PCDHGB4: variants seen among roughly 807,000 people sequenced by gnomAD.
The protein encoded by PCDHGB4 is protocadherin gamma-B4.
Under a neutral mutation model 60.5 loss-of-function variants are expected in PCDHGB4, and 38 were observed. That is an observed-to-expected ratio of 0.63 (90% CI 0.48 to 0.82). The LOEUF (loss-of-function observed/expected upper bound fraction) is 0.82, where lower values mean the gene tolerates loss of function less well. Ranked by LOEUF, PCDHGB4 falls within the 40% of genes least tolerant of loss-of-function variation. The probability of loss-of-function intolerance (pLI) is 0.00; values close to 1 mark genes in which losing one functional copy is unlikely to be tolerated. For missense variants in PCDHGB4, 1,109 were observed against 1,209.6 expected, an observed-to-expected ratio of 0.92 and a Z score of 1.23; for synonymous variants, 456 against 509.7, an observed-to-expected ratio of 0.89 and a Z score of 1.42.
Position 141,491,995 on chromosome 5 carries a change from G to C in PCDHGB4, c.2398-2812G>C, listed in dbSNP as rs76332593. On this transcript the variant is annotated intron_variant, in intron 1 of 3. Transcript: ENST00000519479. The surrounding 1 kb of genome is among the most constrained non-coding windows in gnomAD (Gnocchi z 6.9). ...CTCCTTCGAGCTTCCGGTGAATTTC[G>C]GGCGATTTCCGCGGGTGTCGGGGGT... is the stretch of plus-strand genomic sequence containing the variant. 0.033 allele frequency: 22,941 copies of C among 696,644 alleles called. 426 individuals carry two copies. The highest frequency in any genetic ancestry group is 0.093 in the Middle Eastern group (249 of 2,666). The allele number at this position is 696,644 out of a possible 1,614,324, so 43.2% of individuals were successfully genotyped here. A position where few individuals can be genotyped will look rare whatever the true frequency, so the allele number is the denominator to read the frequency against.
At chr5:141,445,471 T>A (rs533909401) in intron 1 of PCDHGB4, among the ~76,000 whole-genome samples, 17 of 152,204 alleles carry the variant, frequency 1.1e-4, no homozygotes, top group Non-Finnish European at 2.4e-4. Context: ...AAGGCATATA[T>A]GATTCCTGAG....
chr5:141,400,448 A>G (rs750585724), intron 1 of PCDHGB4: 1 of 1,614,078 alleles, frequency 6.2e-7, no homozygotes, highest in Non-Finnish European at 8.5e-7. Flanking sequence ...TCAGGACAAG[A>G]CATACTTTGT....
rs752785695 is a variant in PCDHGB4 at position 141,389,111 on chromosome 5, C to G, written c.1227C>G (p.Asp409Glu). ...AATTAGTGACAGATGCTGTTCTAGACCGCGAGCAGAATCCAGAGTACAATA... is the reference window on the plus strand; with the variant it reads ...AATTAGTGACAGATGCTGTTCTAGAGCGCGAGCAGAATCCAGAGTACAATA... ...TYKLVTDAVL[D>E]REQNPEYNIT... The change falls in exon 1 of 4, where the codon GAC becomes GAG. Residue 409 changes from aspartate (D) to glutamate (E), a missense_variant. Asp to Glu is a conservative substitution (Grantham distance 45). Coordinates refer to ENST00000519479, the MANE Select transcript of PCDHGB4 (RefSeq NM_003736.4). 5.0e-6 allele frequency: 8 copies of G among 1,614,008 alleles called. No individual in the cohort carries two copies. Among genetic ancestry groups the G allele is most frequent in the Non-Finnish European group, 6.8e-6 (8 of 1,179,890 alleles).
At chr5:141,482,544 A>AAAC (rs1041838777) in intron 1 of PCDHGB4, among the ~76,000 whole-genome samples, 4 of 151,844 alleles carry the variant, frequency 2.6e-5, no homozygotes, top group Non-Finnish European at 4.4e-5. Context: ...AAAAAAAAAA[A>AAAC]AAAAAGATAA....
chr5:141,404,909 C>CCT, intron 1 of PCDHGB4: 1 of 1,613,916 alleles, frequency 6.2e-7, no homozygotes, highest in Non-Finnish European at 8.5e-7. Context: ...TGGCCAGCCC[C>CCT]CTCTCTCGGC....
intron 1 of PCDHGB4, among the ~76,000 whole-genome samples, chr5:141,402,432 TA>T (rs1325787840): frequency 6.6e-6 from 1 of 152,042 alleles, no homozygotes; most frequent in Non-Finnish European, 1.5e-5. Flanking sequence ...TGAAGCATCA[TA>T]AAAAGGAAAT....
intron 1 of PCDHGB4, chr5:141,422,397 C>A (rs753017439): frequency 6.3e-6 from 10 of 1,597,488 alleles, no homozygotes; most frequent in African/African-American, 2.7e-5. Context: ...TTCCTAACCA[C>A]CTGCCTTTTA....
At position 141,485,430 on chromosome 5, in the gene PCDHGB4, T is replaced by C; in HGVS notation, c.2398-9377T>C. The C allele has an allele frequency of 6.2e-7, 1 of 1,614,138 alleles. No individual in the cohort carries two copies. Among genetic ancestry groups the C allele is most frequent in the Non-Finnish European group, 8.5e-7 (1 of 1,180,022 alleles). On this transcript the variant is annotated intron_variant, in intron 1 of 3. Transcript: ENST00000519479. The surrounding 1 kb of genome is among the most constrained non-coding windows in gnomAD (Gnocchi z 5.7). ...GATTTGGACAGCGGAGCCCTGCTCA[T>C]CAAGAACCCAATCGACCGAGAGGCA... is the stretch of plus-strand genomic sequence containing the variant.
intron 1 of PCDHGB4, chr5:141,419,008 G>T: frequency 6.2e-7 from 1 of 1,613,978 alleles, no homozygotes; most frequent in Non-Finnish European, 8.5e-7. Flanking sequence ...GGGAAGTCAG[G>T]TGTAGCTTAA....
At chr5:141,495,013 T>C (rs2099758300) in intron 2 of PCDHGB4, 148 bp downstream of exon 2, 12 of 1,511,014 alleles carry the variant, frequency 7.9e-6, no homozygotes, top group Non-Finnish European at 1.1e-5. Context: ...TGCGGGGGGC[T>C]GGCACACAGA....
rs1409333356 is a variant in PCDHGB4 at position 141,418,996 on chromosome 5, T to C, written c.2397+28715T>C. On this transcript the variant is annotated intron_variant, in intron 1 of 3. Coordinates refer to ENST00000519479, the MANE Select transcript of PCDHGB4 (RefSeq NM_003736.4). ...CACGGGACCAAGACTCAGGGGAAAATGGGGAAGTCAGGTGTAGCTTAAGTA... is the reference window on the plus strand; with the variant it reads ...CACGGGACCAAGACTCAGGGGAAAACGGGGAAGTCAGGTGTAGCTTAAGTA... 3.3e-5 allele frequency: 54 copies of C among 1,613,756 alleles called. 1 individual carries two copies. The East Asian group carries it at 1.0e-3, about 30-fold the overall frequency.
rs1327490895 is a variant in PCDHGB4, at chr5:141,487,672, G to A, written c.2398-7135G>A. The stretch of plus-strand genomic sequence containing the variant: ...AGGGTTATTCTGATCCAGGCATATG[G>A]CTAGGCCATGTCCTAGAGAGTACTG... On this transcript the variant is annotated intron_variant, in intron 1 of 3. Coordinates refer to ENST00000519479, the MANE Select transcript of PCDHGB4 (RefSeq NM_003736.4). This position sits in a 1 kb window ranked among gnomAD's most constrained non-coding sequence, Gnocchi z 5.0. 6.2e-7 allele frequency: 1 copy of A among 1,611,484 alleles called. No individual in the cohort carries two copies. Among genetic ancestry groups the A allele is most frequent in the Non-Finnish European group, 8.5e-7 (1 of 1,178,612 alleles).
At chr5:141,435,055 A>T (rs148331367) in intron 1 of PCDHGB4, among the ~76,000 whole-genome samples, 5 of 152,124 alleles carry the variant, frequency 3.3e-5, no homozygotes, top group Non-Finnish European at 7.4e-5. Flanking sequence ...TTGACCATGC[A>T]GCAGTTTTGT....
rs1223431294 is a variant in PCDHGB4, at chr5:141,490,280, C to T, written c.2398-4527C>T. ...GATGTGGGGGATGTCAATGACAATG[C>T]CCCAGAGGTGCTATTGGCCTCTTTG... On this transcript the variant is annotated intron_variant, in intron 1 of 3. Transcript: ENST00000519479. The surrounding 1 kb of genome is among the most constrained non-coding windows in gnomAD (Gnocchi z 5.4). The T allele has an allele frequency of 5.6e-6, 9 of 1,614,216 alleles. No individual in the cohort carries two copies. In the East Asian group the frequency reaches 1.8e-4, roughly 32 times the overall value.
At chr5:141,443,199 G>C (rs936013020) in intron 1 of PCDHGB4, among the ~76,000 whole-genome samples, 1 of 152,002 alleles carries the variant, frequency 6.6e-6, no homozygotes. Context: ...ATAGTACAAA[G>C]AGCTTGTCTC....
chr5:141,415,740 GTTTTTTTTTTT>G lies in PCDHGB4; in HGVS notation c.2397+25481_2397+25491del, dbSNP rs57426385. On this transcript the variant is annotated intron_variant, in intron 1 of 3. Transcript: ENST00000519479. ...TGAGTAGAATTTGATGTTTATTAAGGTTTTTTTTTTTTTTTTTTTTTTTTTTTTTTTTACTT... is the reference window on the plus strand; with the variant it reads ...TGAGTAGAATTTGATGTTTATTAAGGTTTTTTTTTTTTTTTTTTTTTACTT... 695 of 624,702 alleles carry G rather than the reference GTTTTTTTTTTT, an allele frequency of 1.1e-3. 1 individual carries two copies. Among genetic ancestry groups the G allele is most frequent in the East Asian group, 1.8e-3 (27 of 14,732 alleles). 38.7% of individuals were successfully genotyped at this position (624,702 alleles called of 1,614,324 possible).
intron 1 of PCDHGB4, among the ~76,000 whole-genome samples, chr5:141,453,288 A>AT (rs2098760999): frequency 2.0e-5 from 3 of 151,342 alleles, no homozygotes; most frequent in African/African-American, 7.3e-5. Flanking sequence ...TAATTTTTTA[A>AT]TTATTTATTT....
intron 1 of PCDHGB4, chr5:141,421,587 G>A: frequency 1.2e-6 from 2 of 1,613,900 alleles, no homozygotes; most frequent in South Asian, 1.1e-5. Context: ...TTTACGGAGT[G>A]GAGGTGGAAA....
Position 141,431,075 on chromosome 5 carries a change from C to G in PCDHGB4, c.2397+40794C>G. ...GGGGGCCATCAAGTGTCAATTAAAT[C>G]TAGACATTCTGATGGAGGATAAAGT... is the stretch of plus-strand genomic sequence containing the variant. On this transcript the variant is annotated intron_variant, in intron 1 of 3. Coordinates refer to ENST00000519479, the MANE Select transcript of PCDHGB4 (RefSeq NM_003736.4). The surrounding 1 kb of genome is among the most constrained non-coding windows in gnomAD (Gnocchi z 4.8). 1 of 1,614,156 alleles carries G rather than the reference C, an allele frequency of 6.2e-7. No homozygotes were observed. Among genetic ancestry groups the G allele is most frequent in the Non-Finnish European group, 8.5e-7 (1 of 1,179,984 alleles).
Sources: gnomAD v4.1 joint callset for allele counts (sites outside exome capture counted in the v4.1 genomes callset) on GRCh38, gnomAD v4.1.1 for gene constraint, Gnocchi (gnomAD v3.1) non-coding constraint, MANE v1.5 for transcripts, NCBI Gene and HGNC (gene_info 2026-07-23, HGNC 2026-07-21) for gene names.